Variants in CLIP4 observed in about 807,000 individuals in gnomAD.
CLIP4 encodes the protein CAP-Gly domain containing linker protein family member 4, also known as CAP-Gly domain-containing linker protein 4.
Under a neutral mutation model 73.1 loss-of-function variants are expected in CLIP4, and 47 were observed. The observed-to-expected ratio is 0.64, with a 90% CI of 0.51 to 0.82. The LOEUF is 0.82. CLIP4 is among the 40% of genes least tolerant of loss of function. The pLI is 0.00. For missense variants in CLIP4, 874 were observed against 852.9 expected, an observed-to-expected ratio of 1.02 and a Z score of -0.31; for synonymous variants, 306 against 295.4, an observed-to-expected ratio of 1.04 and a Z score of -0.37.
intron 9 of CLIP4, 29 bp from the exon 10 acceptor site, chr2:29,156,325 G>C (rs781761548): frequency 3.5e-6 from 5 of 1,448,256 alleles, no homozygotes; most frequent in Non-Finnish European, 4.7e-6. Flanking sequence ...TAAAATTCTT[G>C]CTTAAAGTGT....
chr2:29,165,340 G>C (rs1342936563), intron 13 of CLIP4, among the ~76,000 whole-genome samples: 1 of 152,016 alleles, frequency 6.6e-6, no homozygotes, highest in Non-Finnish European at 1.5e-5. Flanking sequence ...GCTGGGGTCT[G>C]TTTGCAGGGC....
At position 29,115,491 on chromosome 2, in the gene CLIP4, C is replaced by G. The variant is rs989645700; in HGVS notation, c.-190C>G. ...GCCGCCCGGCCGCCTGCACTGCGCG[C>G]GCGCCCACCCCGCGTGGGAGGCAGC... On this transcript the variant is annotated 5_prime_UTR_variant, in exon 1 of 16. Coordinates refer to ENST00000320081, the MANE Select transcript of CLIP4 (RefSeq NM_024692.6). The surrounding 1 kb of genome is among the most constrained non-coding windows in gnomAD (Gnocchi z 5.1). The G allele has an allele frequency of 2.7e-5, 4 of 148,268 alleles. No individual in the cohort carries two copies. Among genetic ancestry groups the G allele is most frequent in the African/African-American group, 9.8e-5 (4 of 41,012 alleles). The allele number at this position is 148,268 out of a possible 1,614,324, so 9.2% of individuals were successfully genotyped here. A position where few individuals can be genotyped will look rare whatever the true frequency, so the allele number is the denominator to read the frequency against.
chr2:29,149,919 C>T (rs1666436877), intron 8 of CLIP4, among the ~76,000 whole-genome samples: 1 of 152,078 alleles, frequency 6.6e-6, no homozygotes, highest in African/African-American at 2.4e-5. Flanking sequence ...TGTCAGTAGT[C>T]ATGATAGAGG....
chr2:29,166,733 A>T (rs1667647797), intron 13 of CLIP4, among the ~76,000 whole-genome samples: 1 of 152,224 alleles, frequency 6.6e-6, no homozygotes, highest in Admixed American at 6.5e-5. Context: ...TGTGTCCATC[A>T]GTCTCTCATT....
chr2:29,171,406 A>G (rs1297006646), intron 14 of CLIP4, among the ~76,000 whole-genome samples: 1 of 152,014 alleles, frequency 6.6e-6, no homozygotes, highest in African/African-American at 2.4e-5. Context: ...ACCTTATACC[A>G]ACTTTCTTTT....
intron 2 of CLIP4, among the ~76,000 whole-genome samples, chr2:29,123,461 G>C (rs1463347429): frequency 6.6e-6 from 1 of 152,196 alleles, no homozygotes; most frequent in African/African-American, 2.4e-5. Flanking sequence ...AATGAATTCT[G>C]TGGAAGAAAG....
intron 2 of CLIP4, among the ~76,000 whole-genome samples, chr2:29,127,667 T>G (rs1477620136): frequency 6.6e-6 from 1 of 152,156 alleles, no homozygotes; most frequent in Non-Finnish European, 1.5e-5. Flanking sequence ...ATTAGAGTGC[T>G]GGAAATTCTT....
At position 29,162,688 on chromosome 2, in the gene CLIP4, G is replaced by A. The variant is rs189724663; in HGVS notation, c.1535-1143G>A. ...CACTGAGAAATAACAGTGGCAACCAGACTAACCTGGTTTAGGACATGTGGA... is the reference window on the plus strand; with the variant it reads ...CACTGAGAAATAACAGTGGCAACCAAACTAACCTGGTTTAGGACATGTGGA... On this transcript the variant is annotated intron_variant, in intron 12 of 15. Transcript: ENST00000320081. Among the ~76,000 whole-genome samples the A allele has an allele frequency of 4.4e-3, 667 of 152,302 alleles. 4 individuals carry two copies. Among genetic ancestry groups the A allele is most frequent in the Admixed American group, 5.9e-3 (91 of 15,302 alleles).
At chr2:29,131,501 A>G (rs1664968592) in intron 3 of CLIP4, 104 bp downstream of exon 3, 2 of 1,208,414 alleles carry the variant, frequency 1.7e-6, no homozygotes, top group Non-Finnish European at 1.1e-6. Flanking sequence ...GAAACCCTTT[A>G]AAAGTTCTGA....
At chr2:29,175,658 G>A (rs973519332) in intron 15 of CLIP4, 4 of 152,130 alleles carry the variant, frequency 2.6e-5, no homozygotes, top group Admixed American at 1.3e-4. Flanking sequence ...GTACTTCCCT[G>A]TTTTCTCTAA....
intron 8 of CLIP4, among the ~76,000 whole-genome samples, chr2:29,147,061 T>C (rs553504026): frequency 6.6e-6 from 1 of 152,298 alleles, no homozygotes; most frequent in African/African-American, 2.4e-5. Flanking sequence ...AAATTCTGCA[T>C]TTTTATTTAA....
Position 29,143,690 on chromosome 2 carries a change from C to G in CLIP4, c.649-19C>G, listed in dbSNP as rs1553370997. The stretch of plus-strand genomic sequence containing the variant: ...CTCTAAGTAAGAGTTGAACATTTTT[C>G]TCTTATCTTTATTTGTAGAATGACA... On this transcript the variant is annotated intron_variant, in intron 6 of 15. Coordinates refer to ENST00000320081, the MANE Select transcript of CLIP4 (RefSeq NM_024692.6). The G allele has an allele frequency of 3.3e-6, 5 of 1,533,794 alleles. No individual in the cohort carries two copies. The highest frequency in any genetic ancestry group is 4.5e-6 in the Non-Finnish European group (5 of 1,108,710).
chr2:29,177,747 A>T (rs891444340), intron 15 of CLIP4, among the ~76,000 whole-genome samples: 5 of 152,276 alleles, frequency 3.3e-5, no homozygotes, highest in African/African-American at 1.2e-4. Context: ...TGTACTGTAT[A>T]CAGTCTTTAT....
At chr2:29,150,061 T>A (rs1290995734) in intron 8 of CLIP4, among the ~76,000 whole-genome samples, 1 of 152,132 alleles carries the variant, frequency 6.6e-6, no homozygotes, top group Admixed American at 6.5e-5. Context: ...CCATAATAAG[T>A]TAAAATGAAA....
Position 29,145,380 on chromosome 2 carries a change from T to A in CLIP4, c.1021+13T>A. 6.3e-7 allele frequency: 1 copy of A among 1,582,842 alleles called. No individual in the cohort carries two copies. On this transcript the variant is annotated intron_variant, in intron 8 of 15. Transcript: ENST00000320081. The stretch of plus-strand genomic sequence containing the variant: ...GCCCCCAAGTATGGTAAGGTTGATA[T>A]TATTTAACTCGGTAAGAATTAATTA...
At position 29,131,300 on chromosome 2, in the gene CLIP4, TTC is replaced by T; in HGVS notation, c.178_179del (p.Leu60PhefsTer2). 1 of 1,610,502 alleles carries T rather than the reference TTC, an allele frequency of 6.2e-7. No individual in the cohort carries two copies. Among genetic ancestry groups the T allele is most frequent in the Non-Finnish European group, 8.5e-7 (1 of 1,178,692 alleles). On this transcript the variant is annotated frameshift_variant, in exon 3 of 16. Coordinates refer to ENST00000320081, the MANE Select transcript of CLIP4 (RefSeq NM_024692.6). LOFTEE classifies it high-confidence loss of function. The stretch of plus-strand genomic sequence containing the variant: ...CCTAATGATGCATCATGCCAGGAAA[TTC>T]TTTTTGATCCCAAAACTTCAGTTTC...
chr2:29,175,361 TCTTG>T (rs1206121302), intron 15 of CLIP4: 2 of 152,292 alleles, frequency 1.3e-5, no homozygotes, highest in African/African-American at 4.8e-5. Flanking sequence ...TTGAAGGTCT[TCTTG>T]CTTGAGTAGC....
chr2:29,130,598 G>T, intron 2 of CLIP4: 1 of 1,114,144 alleles, frequency 9.0e-7, no homozygotes, highest in Non-Finnish European at 1.1e-6. Flanking sequence ...GTTTGTCTTG[G>T]CTTCTATTTT....
Position 29,145,704 on chromosome 2 carries a change from C to T in CLIP4, c.1021+337C>T, listed in dbSNP as rs911036659. The stretch of plus-strand genomic sequence containing the variant: ...CCACTATTTATTTATTTGTTTGAGA[C>T]GGAGTCTTGCTCTGTCGCCCAGGCT... On this transcript the variant is annotated intron_variant, in intron 8 of 15. Transcript: ENST00000320081. Among the ~76,000 whole-genome samples the T allele has an allele frequency of 3.3e-5, 5 of 152,154 alleles. No individual in the cohort carries two copies. In the East Asian group the frequency reaches 7.7e-4, roughly 23 times the overall value.
Sources: gnomAD v4.1 joint callset for allele counts (sites outside exome capture counted in the v4.1 genomes callset) on GRCh38, gnomAD v4.1.1 for gene constraint, Gnocchi (gnomAD v3.1) non-coding constraint, MANE v1.5 for transcripts, NCBI Gene and HGNC (gene_info 2026-07-23, HGNC 2026-07-21) for gene names.